JADE1: variants seen among roughly 807,000 people sequenced by gnomAD.
JADE1 encodes jade family PHD finger 1, also known as protein Jade-1.
Under a neutral mutation model 81.8 loss-of-function variants are expected in JADE1, and 14 were observed. That is an observed-to-expected ratio of 0.17 (90% CI 0.11 to 0.27). The LOEUF is 0.27. Among genes scored for constraint, JADE1 ranks in the 10% least tolerant of loss-of-function variants. The pLI is 1.00. For synonymous variants in JADE1, 353 were observed against 391.9 expected (o/e 0.90, Z 1.17); for missense variants, 690 against 1,047.9 (o/e 0.66, Z 4.71).
chr4:128,858,809 C>T (rs1731024795), intron 8 of JADE1, among the ~76,000 whole-genome samples: 1 of 152,002 alleles, frequency 6.6e-6, no homozygotes, highest in Non-Finnish European at 1.5e-5. Flanking sequence ...GGGGTTTCAC[C>T]ATGTTGGCCA....
chr4:128,854,187 A>C (rs1416391919), intron 6 of JADE1, among the ~76,000 whole-genome samples: 1 of 151,280 alleles, frequency 6.6e-6, no homozygotes, highest in Admixed American at 6.6e-5. Flanking sequence ...GGCTTGTGCA[A>C]GCTCTCACGG....
chr4:128,840,546 G>A (rs1037444137), intron 2 of JADE1, among the ~76,000 whole-genome samples: 9 of 151,998 alleles, frequency 5.9e-5, no homozygotes, highest in Admixed American at 5.2e-4. Flanking sequence ...GCTTTTCCTC[G>A]TCTCTTCTTT....
intron 9 of JADE1, chr4:128,862,680 C>T: frequency 9.9e-7 from 1 of 1,011,684 alleles, no homozygotes; most frequent in Non-Finnish European, 1.2e-6. Context: ...GGAAACACAC[C>T]TAGGTGCTGG....
chr4:128,832,759 T>G (rs1277896584), intron 2 of JADE1, among the ~76,000 whole-genome samples: 1 of 152,250 alleles, frequency 6.6e-6, no homozygotes, highest in Non-Finnish European at 1.5e-5. Flanking sequence ...GAAATACTTT[T>G]TAGGCAAATA....
At chr4:128,839,680 TTCAC>T (rs1350248647) in intron 2 of JADE1, among the ~76,000 whole-genome samples, 3 of 152,204 alleles carry the variant, frequency 2.0e-5, no homozygotes, top group African/African-American at 7.2e-5. Flanking sequence ...TCTGGCTTCT[TTCAC>T]TCAGGAGAAT....
intron 10 of JADE1, among the ~76,000 whole-genome samples, chr4:128,868,655 C>G (rs975376148): frequency 1.3e-5 from 2 of 152,180 alleles, no homozygotes; most frequent in African/African-American, 2.4e-5. Flanking sequence ...GTTGTTTAAC[C>G]TCTCTGAGAT....
intron 1 of JADE1, among the ~76,000 whole-genome samples, chr4:128,821,511 T>G (rs1273598070): frequency 8.8e-6 from 1 of 114,210 alleles, no homozygotes; most frequent in Admixed American, 8.9e-5. Context: ...TTTTTTTTTT[T>G]GAGAGGGAAT....
At chr4:128,813,612 G>A (rs868308142) in intron 1 of JADE1, among the ~76,000 whole-genome samples, 5 of 151,570 alleles carry the variant, frequency 3.3e-5, no homozygotes, top group African/African-American at 9.7e-5. Context: ...TAGTAGAGAC[G>A]GGGTTTCACC....
At chr4:128,841,507 C>T (rs563286097) in intron 2 of JADE1, among the ~76,000 whole-genome samples, 1 of 152,070 alleles carries the variant, frequency 6.6e-6, no homozygotes, top group African/African-American at 2.4e-5. Context: ...AGATTTCTGA[C>T]GTCAAGTAGA....
chr4:128,834,985 T>TA (rs1317420624), intron 2 of JADE1, among the ~76,000 whole-genome samples: 140 of 137,216 alleles, frequency 1.0e-3, no homozygotes, highest in Middle Eastern at 3.7e-3. Context: ...ATCTCTATTT[T>TA]AAAAAAAAAA....
At position 128,872,068 on chromosome 4, in the gene JADE1, T is replaced by C. The variant is rs1405164222; in HGVS notation, c.2335T>C (p.Leu779=). Residue 779 remains leucine, a synonymous_variant, in exon 11 of 11, where the codon TTG becomes CTG. Coordinates refer to ENST00000226319, the MANE Select transcript of JADE1 (RefSeq NM_199320.4). ...CCACCAGCACTCAGACTACCCATATTTGGGCTTAGGCCGAGTTCCAGCCAA... is the reference window on the plus strand; with the variant it reads ...CCACCAGCACTCAGACTACCCATATCTGGGCTTAGGCCGAGTTCCAGCCAA... ...ACHQHSDYPY[L]GLGRVPAKER... 1.2e-6 allele frequency: 2 copies of C among 1,614,098 alleles called. No homozygotes were observed. The highest frequency in any genetic ancestry group is 2.7e-5 in the African/African-American group (2 of 75,050).
chr4:128,871,795 A>G lies in JADE1; in HGVS notation c.2062A>G (p.Thr688Ala), dbSNP rs1732215605. 1 of 1,614,098 alleles carries G rather than the reference A, an allele frequency of 6.2e-7. No individual in the cohort carries two copies. The highest frequency in any genetic ancestry group is 1.3e-5 in the African/African-American group (1 of 74,950). ...FKQSHKPLRS[T>A]DVSQRHLDNT... is the part of the protein sequence containing the mutation. ...ACAGAGTCACAAGCCTCTCAGGTCCACAGATGTGTCCCAGAGGCATCTGGA... is the reference window on the plus strand; with the variant it reads ...ACAGAGTCACAAGCCTCTCAGGTCCGCAGATGTGTCCCAGAGGCATCTGGA... Residue 688 changes from threonine (T) to alanine (A), a missense_variant, in exon 11 of 11, where the codon ACA becomes GCA. By Grantham distance (58) the Thr-to-Ala change is moderately conservative (BLOSUM62 0). Coordinates refer to ENST00000226319, the MANE Select transcript of JADE1 (RefSeq NM_199320.4). This position sits in a 1 kb window ranked among gnomAD's most constrained non-coding sequence, Gnocchi z 4.1.
At chr4:128,855,873 C>A in intron 7 of JADE1, 76 bp downstream of exon 7, 1 of 1,339,314 alleles carries the variant, frequency 7.5e-7, no homozygotes. Flanking sequence ...GGCTGGAGTG[C>A]AGTGAGCTGG....
At chr4:128,847,621 G>A (rs1303034880) in intron 4 of JADE1, among the ~76,000 whole-genome samples, 1 of 152,198 alleles carries the variant, frequency 6.6e-6, no homozygotes, top group Non-Finnish European at 1.5e-5. Context: ...CCCAGTCCAG[G>A]AATCACTTGC....
chr4:128,847,553 G>T (rs950885450), intron 4 of JADE1, among the ~76,000 whole-genome samples: 2 of 152,186 alleles, frequency 1.3e-5, no homozygotes, highest in Non-Finnish European at 2.9e-5. Context: ...GGCAGACCAG[G>T]TATCTGCCTC....
intron 1 of JADE1, among the ~76,000 whole-genome samples, chr4:128,819,457 T>C (rs148852734): frequency 7.9e-5 from 12 of 152,270 alleles, no homozygotes; most frequent in Non-Finnish European, 1.2e-4. Context: ...CTTGGTCATC[T>C]CTCACACCCT....
intron 5 of JADE1, 43 bp downstream of exon 5, chr4:128,849,210 A>G: frequency 6.6e-7 from 1 of 1,521,408 alleles, no homozygotes; most frequent in Non-Finnish European, 8.9e-7. Flanking sequence ...CCAATGATGA[A>G]TAGAGACATT....
intron 8 of JADE1, among the ~76,000 whole-genome samples, chr4:128,861,154 G>A (rs564838132): frequency 6.6e-6 from 1 of 152,166 alleles, no homozygotes; most frequent in Non-Finnish European, 1.5e-5. Context: ...CACCAAAAGA[G>A]CTCAAATCTG....
At chr4:128,822,110 A>G (rs1219605683) in intron 1 of JADE1, among the ~76,000 whole-genome samples, 1 of 152,134 alleles carries the variant, frequency 6.6e-6, no homozygotes, top group African/African-American at 2.4e-5. Flanking sequence ...TACATAGTTT[A>G]TTGATGGTTG....
Sources: allele counts gnomAD v4.1 joint callset (sites outside exome capture counted in the v4.1 genomes callset), GRCh38; gene constraint gnomAD v4.1.1; non-coding constraint Gnocchi (gnomAD v3.1); transcripts MANE v1.5; gene names NCBI Gene and HGNC (gene_info 2026-07-23, HGNC 2026-07-21).